Variants in SCAPER observed in about 807,000 individuals in gnomAD.
SCAPER encodes S phase cyclin A-associated protein in the endoplasmic reticulum.
Under a neutral mutation model 182.2 loss-of-function variants are expected in SCAPER, and 98 were observed. The ratio of observed to expected loss-of-function variants is 0.54; its 90% CI spans 0.46 to 0.64. SCAPER has a LOEUF of 0.64. SCAPER is among the 30% of genes least tolerant of loss of function. The probability of loss-of-function intolerance (pLI) is 0.00; values close to 1 mark genes in which losing one functional copy is unlikely to be tolerated. For synonymous variants in SCAPER, 605 were observed against 564.6 expected (o/e 1.07, Z -1.01); for missense variants, 1,432 against 1,690.0 (o/e 0.85, Z 2.68).
rs775507076 is a variant in SCAPER, at chr15:76,765,217, G to T, written c.1613+120C>A. 4.7e-4 allele frequency: 482 copies of T among 1,014,830 alleles called. 1 individual carries two copies. The highest frequency in any genetic ancestry group is 6.6e-4 in the Non-Finnish European group (459 of 697,218). 62.9% of individuals were successfully genotyped at this position (1,014,830 alleles called of 1,614,324 possible). On this transcript the variant is annotated intron_variant, in intron 13 of 31. Coordinates refer to ENST00000563290, the MANE Select transcript of SCAPER (RefSeq NM_020843.4). Reference sequence around the variant, plus strand: ...GGGAAAGCTTTGTTACTTTTCAATGGATCTGAAACTGTCCTGAAGTAATGT... The same window carrying T: ...GGGAAAGCTTTGTTACTTTTCAATGTATCTGAAACTGTCCTGAAGTAATGT...
intron 26 of SCAPER, among the ~76,000 whole-genome samples, chr15:76,413,910 A>G (rs946125289): frequency 6.6e-6 from 1 of 152,182 alleles, no homozygotes; most frequent in Non-Finnish European, 1.5e-5. Context: ...TTTTGCCAGC[A>G]TCCATGAAAC....
intron 20 of SCAPER, among the ~76,000 whole-genome samples, chr15:76,698,765 T>C (rs775899660): frequency 6.6e-6 from 1 of 152,242 alleles, no homozygotes; most frequent in Non-Finnish European, 1.5e-5. Flanking sequence ...TGGTTCCATA[T>C]GAATTTTAGA....
chr15:76,642,817 G>C (rs2054207678), intron 21 of SCAPER, among the ~76,000 whole-genome samples: 1 of 152,098 alleles, frequency 6.6e-6, no homozygotes, highest in South Asian at 2.1e-4. Context: ...TCCAGTTTGA[G>C]ACATTTTGAG....
intron 24 of SCAPER, among the ~76,000 whole-genome samples, chr15:76,474,954 A>C (rs1386293352): frequency 6.6e-6 from 1 of 152,132 alleles, no homozygotes; most frequent in Non-Finnish European, 1.5e-5. Context: ...ACCTTGACCC[A>C]CATCTAACAC....
chr15:76,380,060 C>T (rs998060915), intron 28 of SCAPER: 1 of 152,162 alleles, frequency 6.6e-6, no homozygotes, highest in Non-Finnish European at 1.5e-5. Context: ...TCCCTTTCGA[C>T]GCAGCTGATG....
intron 29 of SCAPER, among the ~76,000 whole-genome samples, chr15:76,368,313 G>A (rs1172190901): frequency 6.6e-6 from 1 of 152,228 alleles, no homozygotes; most frequent in Non-Finnish European, 1.5e-5. Context: ...TCTAAATGCT[G>A]GAATGGGATT....
chr15:76,554,984 T>C (rs545302916), intron 23 of SCAPER, among the ~76,000 whole-genome samples: 2 of 152,136 alleles, frequency 1.3e-5, no homozygotes. Flanking sequence ...TTTTGCCATG[T>C]TGGCCAGGCT....
chr15:76,374,471 G>A (rs2042395529), intron 29 of SCAPER, among the ~76,000 whole-genome samples: 1 of 150,662 alleles, frequency 6.6e-6, no homozygotes, highest in Non-Finnish European at 1.5e-5. Context: ...TACAATTAAG[G>A]TTGGCTGAGT....
intron 21 of SCAPER, among the ~76,000 whole-genome samples, chr15:76,643,857 A>T (rs1009735296): frequency 7.2e-5 from 11 of 152,190 alleles, no homozygotes; most frequent in African/African-American, 2.7e-4. Flanking sequence ...ACCAAAATAT[A>T]GATTCCTCCC....
At position 76,592,610 on chromosome 15, in the gene SCAPER, A is replaced by G. The variant is rs566555056; in HGVS notation, c.2712-18326T>C. On this transcript the variant is annotated intron_variant, in intron 22 of 31. Transcript: ENST00000563290. ...AAGGCAGGTGATTTCTGCATTTCCA[A>G]CTGAGGTACCTGGCTCATCTCACTG... Among the ~76,000 whole-genome samples the G allele has an allele frequency of 9.8e-5, 12 of 122,402 alleles. 4 individuals carry two copies. Among genetic ancestry groups the G allele is most frequent in the Admixed American group, 1.8e-4 (2 of 10,958 alleles). The allele number at this position is 122,402 out of a possible 152,430, so 80.3% of individuals were successfully genotyped here.
chr15:76,573,973 G>A (rs1182854665), intron 23 of SCAPER, among the ~76,000 whole-genome samples, 185 bp downstream of exon 23: 1 of 151,354 alleles, frequency 6.6e-6, no homozygotes, highest in Non-Finnish European at 1.5e-5. Context: ...AAAAAAACCT[G>A]AAAATAGCTT....
At chr15:76,431,733 G>C (rs556201489) in intron 26 of SCAPER, among the ~76,000 whole-genome samples, 1 of 124,888 alleles carries the variant, frequency 8.0e-6, no homozygotes, top group South Asian at 2.9e-4. Context: ...AGGCAGATGT[G>C]AAATATGGTT....
intron 21 of SCAPER, among the ~76,000 whole-genome samples, chr15:76,632,299 C>T (rs1285720609): frequency 6.6e-6 from 1 of 152,122 alleles, no homozygotes; most frequent in Non-Finnish European, 1.5e-5. Context: ...AAACAACTCA[C>T]TTGCCTCAGC....
chr15:76,425,437 T>C (rs2046354308), intron 26 of SCAPER, among the ~76,000 whole-genome samples: 1 of 152,236 alleles, frequency 6.6e-6, no homozygotes, highest in Non-Finnish European at 1.5e-5. Context: ...ATGTGTCACA[T>C]AGTTCTCGTG....
At chr15:76,416,238 G>T (rs2045636446) in intron 26 of SCAPER, among the ~76,000 whole-genome samples, 1 of 151,950 alleles carries the variant, frequency 6.6e-6, no homozygotes, top group Non-Finnish European at 1.5e-5. Context: ...ACTTTGGAAG[G>T]CCGAGGCAGG....
intron 24 of SCAPER, among the ~76,000 whole-genome samples, chr15:76,497,493 G>GA (rs2040669711): frequency 6.6e-6 from 1 of 151,714 alleles, no homozygotes; most frequent in African/African-American, 2.4e-5. Flanking sequence ...ATAAAACACT[G>GA]AAAAAAAGAA....
At chr15:76,781,655 C>T (rs1025027606) in intron 8 of SCAPER, among the ~76,000 whole-genome samples, 1 of 152,172 alleles carries the variant, frequency 6.6e-6, no homozygotes, top group South Asian at 2.1e-4. Context: ...TAGGGTTACC[C>T]ACAAAGGGAA....
intron 23 of SCAPER, among the ~76,000 whole-genome samples, chr15:76,548,459 T>A (rs1375188146): frequency 6.6e-6 from 1 of 152,196 alleles, no homozygotes; most frequent in Non-Finnish European, 1.5e-5. Context: ...ATGCTATAAA[T>A]AGAATGATGT....
chr15:76,651,258 A>G (rs2055013074), intron 21 of SCAPER, among the ~76,000 whole-genome samples: 1 of 152,136 alleles, frequency 6.6e-6, no homozygotes, highest in Non-Finnish European at 1.5e-5. Flanking sequence ...GATCGGGGGG[A>G]ACGAAGGAAG....
Sources: gnomAD v4.1 joint callset for allele counts (sites outside exome capture counted in the v4.1 genomes callset) on GRCh38, gnomAD v4.1.1 for gene constraint, MANE v1.5 for transcripts, NCBI Gene and HGNC (gene_info 2026-07-23, HGNC 2026-07-21) for gene names.